The following PTPRN2 variants were observed in gnomAD, a reference collection of about 807,000 sequenced individuals.
PTPRN2 encodes protein tyrosine phosphatase receptor type N2, also known as receptor-type tyrosine-protein phosphatase N2.
A neutral mutation model predicts 118.8 loss-of-function variants in PTPRN2; 74 were observed. The observed-to-expected ratio is 0.62, with a 90% CI of 0.52 to 0.76. The LOEUF is 0.76. Ranked by LOEUF, PTPRN2 falls within the 30% of genes least tolerant of loss-of-function variation. PTPRN2 has a pLI of 0.00. For missense variants in PTPRN2, 1,481 were observed against 1,394.4 expected (o/e 1.06, Z -0.99); for synonymous variants, 641 against 608.0 (o/e 1.05, Z -0.80).
In PTPRN2 at chr7:158,003,713, T is replaced by G. The variant is rs1805449342; in HGVS notation, c.1723+77585A>C. On this transcript the variant is annotated intron_variant, in intron 11 of 22. Coordinates refer to ENST00000389418, the MANE Select transcript of PTPRN2 (RefSeq NM_002847.5). The surrounding 1 kb of genome is among the most constrained non-coding windows in gnomAD (Gnocchi z 5.0). ...GGGTGGGGAAGCACGCCATCCGGGC[T>G]CCAGCCCTGCGGTTGGCGGGATCCA... Among the ~76,000 whole-genome samples the G allele has an allele frequency of 1.3e-5, 2 of 151,582 alleles. No individual in the cohort carries two copies. Among genetic ancestry groups the G allele is most frequent in the South Asian group, 4.2e-4 (2 of 4,776 alleles).
In PTPRN2 at chr7:157,893,283, C is replaced by G. The variant is rs1296415464; in HGVS notation, c.1788+5390G>C. Among the ~76,000 whole-genome samples the G allele has an allele frequency of 6.6e-6, 1 of 152,196 alleles. No homozygotes were observed. Among genetic ancestry groups the G allele is most frequent in the Non-Finnish European group, 1.5e-5 (1 of 68,038 alleles). On this transcript the variant is annotated intron_variant, in intron 12 of 22. Transcript: ENST00000389418. The surrounding 1 kb of genome is among the most constrained non-coding windows in gnomAD (Gnocchi z 4.0). ...TGGCAAGGTCCATCCTCTGCTCGCT[C>G]AGGGGCCAGAGAGGACACAGGTTGG... is the stretch of plus-strand genomic sequence containing the variant.
At chr7:158,041,834 T>C (rs1362708019) in intron 11 of PTPRN2, among the ~76,000 whole-genome samples, 4 of 152,204 alleles carry the variant, frequency 2.6e-5, no homozygotes, top group East Asian at 1.9e-4. Context: ...TTTGCTGTCA[T>C]TGACATGTGA....
intron 3 of PTPRN2, among the ~76,000 whole-genome samples, chr7:158,232,602 T>G (rs1366039098): frequency 6.6e-6 from 1 of 151,890 alleles, no homozygotes; most frequent in Non-Finnish European, 1.5e-5. Flanking sequence ...ATGAGGTCAG[T>G]GTTACCCTGA....
intron 21 of PTPRN2, among the ~76,000 whole-genome samples, chr7:157,558,993 C>T (rs1373893782): frequency 6.6e-6 from 1 of 152,266 alleles, no homozygotes; most frequent in East Asian, 1.9e-4. Context: ...GAAGCACAGG[C>T]CAAGGAGGGA....
chr7:157,903,056 G>C lies in PTPRN2; in HGVS notation c.1724-4319C>G, dbSNP rs146703547. Among the ~76,000 whole-genome samples, 1 of 152,232 alleles carries C rather than the reference G, an allele frequency of 6.6e-6. No individual in the cohort carries two copies. Among genetic ancestry groups the C allele is most frequent in the Non-Finnish European group, 1.5e-5 (1 of 68,020 alleles). ...GGGCCACCATCCTAAGCAAATTAAC[G>C]CAAAAGCAGAAAGCCACACGCTGCC... On this transcript the variant is annotated intron_variant, in intron 11 of 22. Coordinates refer to ENST00000389418, the MANE Select transcript of PTPRN2 (RefSeq NM_002847.5). The surrounding 1 kb of genome is among the most constrained non-coding windows in gnomAD (Gnocchi z 4.2).
chr7:158,227,507 C>T (rs1256299636), intron 3 of PTPRN2, among the ~76,000 whole-genome samples: 3 of 152,094 alleles, frequency 2.0e-5, no homozygotes, highest in Admixed American at 6.5e-5. Context: ...TGACGTGTGA[C>T]GGGAAGACCC....
intron 12 of PTPRN2, among the ~76,000 whole-genome samples, chr7:157,859,823 C>T (rs1810076795): frequency 7.9e-6 from 1 of 126,926 alleles, no homozygotes; most frequent in South Asian, 3.0e-4. Context: ...CCAGCCACCA[C>T]CCACACTCCT....
intron 3 of PTPRN2, among the ~76,000 whole-genome samples, chr7:158,258,008 C>A (rs1167400426): frequency 6.6e-6 from 1 of 152,232 alleles, no homozygotes; most frequent in Non-Finnish European, 1.5e-5. Context: ...TTACCTAAGG[C>A]TTTCTTGAGA....
intron 3 of PTPRN2, among the ~76,000 whole-genome samples, chr7:158,226,092 G>A (rs1828752028): frequency 6.6e-6 from 1 of 152,098 alleles, no homozygotes; most frequent in Non-Finnish European, 1.5e-5. Flanking sequence ...ATACATAGCA[G>A]TTTCTATTTG....
At chr7:158,259,351 G>A (rs1797236180) in intron 3 of PTPRN2, among the ~76,000 whole-genome samples, 1 of 152,170 alleles carries the variant, frequency 6.6e-6, no homozygotes, top group Non-Finnish European at 1.5e-5. Context: ...AGGGCACAGA[G>A]CCACCCTTCC....
At position 158,003,338 on chromosome 7, in the gene PTPRN2, T is replaced by C. The variant is rs6943796; in HGVS notation, c.1723+77960A>G. On this transcript the variant is annotated intron_variant, in intron 11 of 22. Coordinates refer to ENST00000389418, the MANE Select transcript of PTPRN2 (RefSeq NM_002847.5). The surrounding 1 kb of genome is among the most constrained non-coding windows in gnomAD (Gnocchi z 5.0). ...CTGAGGCAGGAGAATGGCATGAACC[T>C]GGGAGGCGGAGCTTGCAGTGAGCCG... Among the ~76,000 whole-genome samples the C allele has an allele frequency of 0.82, 121,780 of 147,916 alleles. 50,196 individuals carry two copies. Among genetic ancestry groups the C allele is most frequent in the East Asian group, 0.89 (4,365 of 4,904 alleles).
intron 11 of PTPRN2, among the ~76,000 whole-genome samples, chr7:157,989,428 A>G (rs1419849146): frequency 6.6e-6 from 1 of 152,166 alleles, no homozygotes; most frequent in East Asian, 1.9e-4. Flanking sequence ...TAGAAAAAAG[A>G]AAAGAAAAGA....
intron 11 of PTPRN2, among the ~76,000 whole-genome samples, chr7:157,961,579 T>A (rs997170037): frequency 6.6e-6 from 1 of 151,968 alleles, no homozygotes; most frequent in Non-Finnish European, 1.5e-5. Flanking sequence ...ACAACAATTT[T>A]AAAAAGAGGG....
intron 2 of PTPRN2, among the ~76,000 whole-genome samples, chr7:158,327,363 TGTCA>T (rs984012370): frequency 3.9e-5 from 5 of 127,376 alleles, no homozygotes; most frequent in Non-Finnish European, 8.7e-5. Flanking sequence ...ATGTACACAT[TGTCA>T]CACACACATT....
chr7:158,242,395 A>G (rs1256612522), intron 3 of PTPRN2, among the ~76,000 whole-genome samples: 2 of 152,228 alleles, frequency 1.3e-5, no homozygotes, highest in Non-Finnish European at 2.9e-5. Context: ...AATCTCCTCT[A>G]AAGATTGCAA....
chr7:158,553,983 G>A (rs909755779), intron 1 of PTPRN2, among the ~76,000 whole-genome samples: 42 of 151,084 alleles, frequency 2.8e-4, no homozygotes, highest in African/African-American at 9.3e-4. Flanking sequence ...ATAGACTTGG[G>A]GGTCTACACC....
chr7:158,533,890 T>C (rs1350199160), intron 1 of PTPRN2, among the ~76,000 whole-genome samples: 1 of 152,222 alleles, frequency 6.6e-6, no homozygotes, highest in Admixed American at 6.5e-5. Context: ...AGGCCCTCCG[T>C]GCCGCCGTCA....
At chr7:158,054,149 G>A (rs563779519) in intron 11 of PTPRN2, among the ~76,000 whole-genome samples, 1 of 152,012 alleles carries the variant, frequency 6.6e-6, no homozygotes, top group Non-Finnish European at 1.5e-5. Flanking sequence ...GGGGGCCCTA[G>A]AGAGAAGTCA....
At chr7:157,961,071 T>A (rs1257821157) in intron 11 of PTPRN2, among the ~76,000 whole-genome samples, 10 of 152,134 alleles carry the variant, frequency 6.6e-5, no homozygotes, top group Admixed American at 6.6e-4. Context: ...ACCATGGAAG[T>A]GAAATTCTCA....
Sources: gnomAD v4.1 joint callset for allele counts (sites outside exome capture counted in the v4.1 genomes callset) on GRCh38, gnomAD v4.1.1 for gene constraint, Gnocchi (gnomAD v3.1) non-coding constraint, MANE v1.5 for transcripts, NCBI Gene and HGNC (gene_info 2026-07-23, HGNC 2026-07-21) for gene names.